RNF144B: variants seen among roughly 807,000 people sequenced by gnomAD.
The protein encoded by RNF144B is E3 ubiquitin-protein ligase RNF144B.
A neutral mutation model predicts 40.2 loss-of-function variants in RNF144B; 25 were observed. The ratio of observed to expected loss-of-function variants is 0.62; its 90% CI spans 0.45 to 0.87. RNF144B has a LOEUF of 0.87. RNF144B is among the 40% of genes least tolerant of loss of function. The probability of loss-of-function intolerance (pLI) is 0.00; values close to 1 mark genes in which losing one functional copy is unlikely to be tolerated. For missense variants in RNF144B, 365 were observed against 373.7 expected, an observed-to-expected ratio of 0.98 and a Z score of 0.19; for synonymous variants, 145 against 136.3, an observed-to-expected ratio of 1.06 and a Z score of -0.44.
At position 18,465,306 on chromosome 6, in the gene RNF144B, C is replaced by T; in HGVS notation, c.*239C>T. The T allele has an allele frequency of 3.8e-6, 2 of 526,192 alleles. No individual in the cohort carries two copies. Among genetic ancestry groups the T allele is most frequent in the Non-Finnish European group, 6.7e-6 (2 of 296,518 alleles). The allele number at this position is 526,192 out of a possible 1,614,324, so 32.6% of individuals were successfully genotyped here. Reference sequence around the variant, plus strand: ...GCTGTTTCTATGGAGCTTTGGGGTTCCTTGAGATGAATGAACATATCATTT... The same window carrying T: ...GCTGTTTCTATGGAGCTTTGGGGTTTCTTGAGATGAATGAACATATCATTT... On this transcript the variant is annotated 3_prime_UTR_variant, in exon 8 of 8. Coordinates refer to ENST00000259939, the MANE Select transcript of RNF144B (RefSeq NM_182757.4).
chr6:18,400,232 C>T lies in RNF144B; in HGVS notation c.165+533C>T, dbSNP rs1179571930. ...AGCTTGCAGTGAGCCGAGATCAGGC[C>T]ACTGCACTCCAGCCTGGGCGACAGA... On this transcript the variant is annotated intron_variant, in intron 2 of 7. Transcript: ENST00000259939. This position sits in a 1 kb window ranked among gnomAD's most constrained non-coding sequence, Gnocchi z 5.6. 6.6e-6 allele frequency among the ~76,000 whole-genome samples: 1 copy of T among 150,582 alleles called. No individual in the cohort carries two copies. Among genetic ancestry groups the T allele is most frequent in the Non-Finnish European group, 1.5e-5 (1 of 67,788 alleles).
chr6:18,412,105 A>G lies in RNF144B; in HGVS notation c.165+12406A>G, dbSNP rs924591767. ...AAATGTGAAAATACCTGTCCTTAGG[A>G]TAACTTTTTAGAAATAGAATTGCCT... On this transcript the variant is annotated intron_variant, in intron 2 of 7. Coordinates refer to ENST00000259939, the MANE Select transcript of RNF144B (RefSeq NM_182757.4). The surrounding 1 kb of genome is among the most constrained non-coding windows in gnomAD (Gnocchi z 4.2). 9.9e-5 allele frequency among the ~76,000 whole-genome samples: 15 copies of G among 152,178 alleles called. No individual in the cohort carries two copies. The highest frequency in any genetic ancestry group is 3.1e-4 in the African/African-American group (13 of 41,450).
chr6:18,428,824 C>T (rs4716246), intron 3 of RNF144B, among the ~76,000 whole-genome samples: 19,361 of 152,094 alleles, frequency 0.13, 1,369 homozygotes, highest in Admixed American at 0.19. Context: ...TACCCAAAAC[C>T]ACATATCTAG....
rs1345061282 is a variant in RNF144B, at chr6:18,410,094, T to G, written c.165+10395T>G. ...CTTCAAACCACATATCAGAATGTAA[T>G]AGGCTGGCCAAACATGCAAATCATG... is the stretch of plus-strand genomic sequence containing the variant. On this transcript the variant is annotated intron_variant, in intron 2 of 7. Transcript: ENST00000259939. The surrounding 1 kb of genome is among the most constrained non-coding windows in gnomAD (Gnocchi z 4.6). Among the ~76,000 whole-genome samples, 3 of 152,194 alleles carry G rather than the reference T, an allele frequency of 2.0e-5. No homozygotes were observed. Among genetic ancestry groups the G allele is most frequent in the Non-Finnish European group, 4.4e-5 (3 of 68,042 alleles).
Position 18,467,085 on chromosome 6 carries a change from G to T in RNF144B, c.*2018G>T, listed in dbSNP as rs1189101910. 1 of 152,536 alleles carries T rather than the reference G, an allele frequency of 6.6e-6. No homozygotes were observed. The highest frequency in any genetic ancestry group is 2.4e-5 in the African/African-American group (1 of 41,404). 9.4% of individuals were successfully genotyped at this position (152,536 alleles called of 1,614,324 possible). On this transcript the variant is annotated 3_prime_UTR_variant, in exon 8 of 8. Coordinates refer to ENST00000259939, the MANE Select transcript of RNF144B (RefSeq NM_182757.4). ...ATAGTTAATTTGCTTTGTTTTACAC[G>T]TAGCCCACTGCCTCATTATAGGTAA...
intron 4 of RNF144B, among the ~76,000 whole-genome samples, chr6:18,445,405 A>G (rs1489012002): frequency 1.3e-5 from 2 of 152,226 alleles, no homozygotes; most frequent in Non-Finnish European, 2.9e-5. Flanking sequence ...TTTATTTCCC[A>G]GAATGTTTCT....
At chr6:18,454,481 C>T (rs1288345997) in intron 4 of RNF144B, among the ~76,000 whole-genome samples, 1 of 152,160 alleles carries the variant, frequency 6.6e-6, no homozygotes, top group Admixed American at 6.5e-5. Context: ...GCTCTGTAAG[C>T]CATTCCTAAG....
At chr6:18,397,434 A>T (rs1794715683) in intron 1 of RNF144B, among the ~76,000 whole-genome samples, 1 of 152,228 alleles carries the variant, frequency 6.6e-6, no homozygotes, top group Non-Finnish European at 1.5e-5. Context: ...AAAAATAGTA[A>T]GAACTATAGG....
chr6:18,435,032 T>C (rs1364791226), intron 3 of RNF144B, among the ~76,000 whole-genome samples: 3 of 152,256 alleles, frequency 2.0e-5, no homozygotes, highest in Non-Finnish European at 2.9e-5. Context: ...TCTGATATTA[T>C]TGCTCTTATT....
At chr6:18,449,637 G>A (rs1759163833) in intron 4 of RNF144B, among the ~76,000 whole-genome samples, 1 of 151,526 alleles carries the variant, frequency 6.6e-6, no homozygotes, top group Non-Finnish European at 1.5e-5. Flanking sequence ...TCTATTTAAT[G>A]AATTTTTAAA....
At chr6:18,390,892 T>A (rs1794566242) in intron 1 of RNF144B, among the ~76,000 whole-genome samples, 1 of 152,224 alleles carries the variant, frequency 6.6e-6, no homozygotes, top group South Asian at 2.1e-4. Context: ...TTGACTTTGT[T>A]TCCTTCATGA....
chr6:18,463,447 C>T (rs1338361484), intron 7 of RNF144B, 67 bp downstream of exon 7: 10 of 917,292 alleles, frequency 1.1e-5, no homozygotes, highest in African/African-American at 8.1e-5. Flanking sequence ...CCCACCTCTT[C>T]GCCTTTCCTC....
intron 4 of RNF144B, among the ~76,000 whole-genome samples, chr6:18,449,697 GTATA>G (rs70974745): frequency 1.3e-5 from 2 of 149,282 alleles, no homozygotes; most frequent in Non-Finnish European, 3.0e-5. Context: ...GTGTTTTGAA[GTATA>G]TATATATATA....
rs575510595 is a variant in RNF144B at position 18,448,575 on chromosome 6, A to C, written c.332-8580A>C. On this transcript the variant is annotated intron_variant, in intron 4 of 7. Coordinates refer to ENST00000259939, the MANE Select transcript of RNF144B (RefSeq NM_182757.4). This position sits in a 1 kb window ranked among gnomAD's most constrained non-coding sequence, Gnocchi z 4.0. The stretch of plus-strand genomic sequence containing the variant: ...GATACCTCCCAGGTTGCATCCATTC[A>C]TAAATCATCCAGCAGATATTTATAG... Among the ~76,000 whole-genome samples the C allele has an allele frequency of 1.3e-5, 2 of 152,172 alleles. No homozygotes were observed. The highest frequency in any genetic ancestry group is 1.3e-4 in the Admixed American group (2 of 15,276).
At chr6:18,415,525 A>G (rs1160715986) in intron 2 of RNF144B, among the ~76,000 whole-genome samples, 1 of 152,156 alleles carries the variant, frequency 6.6e-6, no homozygotes, top group Non-Finnish European at 1.5e-5. Flanking sequence ...TCCATTCATG[A>G]GAGTGGGGTC....
At chr6:18,462,117 A>C (rs1355845297) in intron 6 of RNF144B, among the ~76,000 whole-genome samples, 1 of 152,116 alleles carries the variant, frequency 6.6e-6, no homozygotes, top group African/African-American at 2.4e-5. Flanking sequence ...ATTTTTCTTA[A>C]AGCCTACTTC....
rs374569473 is a variant in RNF144B at position 18,460,975 on chromosome 6, G to A, written c.681+1224G>A. On this transcript the variant is annotated intron_variant, in intron 6 of 7. Transcript: ENST00000259939. This position sits in a 1 kb window ranked among gnomAD's most constrained non-coding sequence, Gnocchi z 4.4. Reference sequence around the variant, plus strand: ...CCATTGAGTTGCTATTCTTTTCTCAGCTCTTTGTTTTGATTGCTTGATTTG... The same window carrying A: ...CCATTGAGTTGCTATTCTTTTCTCAACTCTTTGTTTTGATTGCTTGATTTG... Among the ~76,000 whole-genome samples, 8 of 152,230 alleles carry A rather than the reference G, an allele frequency of 5.3e-5. No individual in the cohort carries two copies. The East Asian group carries it at 7.7e-4, about 15-fold the overall frequency.
chr6:18,393,040 G>T (rs1853589), intron 1 of RNF144B, among the ~76,000 whole-genome samples: 30,959 of 149,588 alleles, frequency 0.21, 3,674 homozygotes, highest in East Asian at 0.41. Context: ...AGAATGGTGT[G>T]AACCCAGGAG....
intron 2 of RNF144B, among the ~76,000 whole-genome samples, chr6:18,411,474 T>C (rs1189639181): frequency 2.2e-5 from 1 of 45,070 alleles, no homozygotes; most frequent in Non-Finnish European, 3.7e-5. Flanking sequence ...TATATATATA[T>C]ATATATATAT....
Sources: gnomAD v4.1 joint callset for allele counts (sites outside exome capture counted in the v4.1 genomes callset) on GRCh38, gnomAD v4.1.1 for gene constraint, Gnocchi (gnomAD v3.1) non-coding constraint, MANE v1.5 for transcripts, NCBI Gene and HGNC (gene_info 2026-07-23, HGNC 2026-07-21) for gene names.